SLC30A7: variants seen among roughly 807,000 people sequenced by gnomAD.
SLC30A7 encodes solute carrier family 30 member 7.
Under a neutral mutation model 46.0 loss-of-function variants are expected in SLC30A7, and 35 were observed. The observed-to-expected ratio is 0.76, with a 90% confidence interval of 0.58 to 1.01. The LOEUF (loss-of-function observed/expected upper bound fraction) is 1.01, where lower values mean the gene tolerates loss of function less well. SLC30A7 is among the 50% of genes least tolerant of loss of function. The probability of loss-of-function intolerance (pLI) is 0.00; values close to 1 mark genes in which losing one functional copy is unlikely to be tolerated. For synonymous variants in SLC30A7, 147 were observed against 157.8 expected, an observed-to-expected ratio of 0.93 and a Z score of 0.51; for missense variants, 464 against 451.1, an observed-to-expected ratio of 1.03 and a Z score of -0.26.
At chr1:100,951,375 A>AAAGCTT (rs1231549657) in intron 8 of SLC30A7, among the ~76,000 whole-genome samples, 3 of 152,230 alleles carry the variant, frequency 2.0e-5, no homozygotes, top group African/African-American at 7.2e-5. Context: ...ATCAGAAAAA[A>AAAGCTT]AAGCTTTGTT....
At position 100,965,818 on chromosome 1, in the gene SLC30A7, C is replaced by G. The variant is rs775246370; in HGVS notation, c.983C>G (p.Thr328Ser). 1.2e-6 allele frequency: 2 copies of G among 1,613,744 alleles called. No individual in the cohort carries two copies. ...VYSLQEQHFW[T>S]LCSDVYVGTL... ...AGTTTACAGGAACAGCACTTCTGGA[C>G]TTTATGTTCTGACGTTTATGTTGGG... The change falls in exon 10 of 11, where the codon ACT becomes AGT. Residue 328 changes from threonine to serine, a missense_variant. Coordinates refer to ENST00000357650, the MANE Select transcript of SLC30A7 (RefSeq NM_133496.5).
In SLC30A7 at chr1:100,974,878, A is replaced by G; in HGVS notation, c.*21A>G. On this transcript the variant is annotated 3_prime_UTR_variant, in exon 11 of 11. Transcript: ENST00000357650. ...TGTAGTGAATGGAAAGAAATTATGCACCTTTTATGGACCAAATTTTTCTGG... is the reference window on the plus strand; with the variant it reads ...TGTAGTGAATGGAAAGAAATTATGCGCCTTTTATGGACCAAATTTTTCTGG... 1 of 1,595,344 alleles carries G rather than the reference A, an allele frequency of 6.3e-7. No homozygotes were observed. The highest frequency in any genetic ancestry group is 1.3e-5 in the African/African-American group (1 of 74,684).
intron 10 of SLC30A7, among the ~76,000 whole-genome samples, chr1:100,971,708 T>A (rs1175952182): frequency 6.6e-6 from 1 of 152,188 alleles, no homozygotes; most frequent in Non-Finnish European, 1.5e-5. Context: ...TATTGACTTG[T>A]AATTTAGTCA....
At chr1:100,960,388 T>C (rs1375893161) in intron 8 of SLC30A7, among the ~76,000 whole-genome samples, 1 of 152,214 alleles carries the variant, frequency 6.6e-6, no homozygotes, top group Non-Finnish European at 1.5e-5. Context: ...AAACATTTGA[T>C]TATCTTTCTG....
chr1:100,950,945 A>G (rs908920061), intron 8 of SLC30A7, among the ~76,000 whole-genome samples: 3 of 152,190 alleles, frequency 2.0e-5, no homozygotes, highest in African/African-American at 7.2e-5. Flanking sequence ...TTCAGTGTCA[A>G]TTAAGTTACC....
At position 100,913,712 on chromosome 1, in the gene SLC30A7, T is replaced by C. The variant is rs368331073; in HGVS notation, c.561T>C (p.His187=). 1.9e-6 allele frequency: 3 copies of C among 1,613,960 alleles called. No homozygotes were observed. The highest frequency in any genetic ancestry group is 1.7e-6 in the Non-Finnish European group (2 of 1,179,854). Reference sequence around the variant, plus strand: ...TTAATGGTGCTCTAGATCAGGCACATGGCCATGTCGATCATTGCCATAGCC... The same window carrying C: ...TTAATGGTGCTCTAGATCAGGCACACGGCCATGTCGATCATTGCCATAGCC... ...SLFNGALDQA[H]GHVDHCHSHE... is the part of the protein sequence containing the mutation. The change falls in exon 6 of 11, where the codon CAT becomes CAC. Residue 187 remains histidine, a synonymous_variant. Transcript: ENST00000357650.
At position 100,924,212 on chromosome 1, in the gene SLC30A7, C is replaced by T. The variant is rs1653137802; in HGVS notation, c.842+2371C>T. Among the ~76,000 whole-genome samples, 3 of 152,152 alleles carry T rather than the reference C, an allele frequency of 2.0e-5. No individual in the cohort carries two copies. The South Asian group carries it at 6.2e-4, about 31-fold the overall frequency. ...TTAGGATAGGGTCTGAACTCCTTAG[C>T]AGGCTTCATGATATATTAACCTTGT... On this transcript the variant is annotated intron_variant, in intron 8 of 10. Transcript: ENST00000357650.
At chr1:100,919,158 A>G (rs757469704) in intron 7 of SLC30A7, among the ~76,000 whole-genome samples, 4 of 152,196 alleles carry the variant, frequency 2.6e-5, no homozygotes, top group Admixed American at 6.5e-5. Flanking sequence ...CATGTGTAAA[A>G]TTGTATATTA....
chr1:100,983,284 T>G (rs1657055147), downstream of SLC30A7, among the ~76,000 whole-genome samples: 1 of 151,936 alleles, frequency 6.6e-6, no homozygotes, highest in Non-Finnish European at 1.5e-5. Context: ...ATTTACTACT[T>G]TTTTTCATTC....
intron 8 of SLC30A7, among the ~76,000 whole-genome samples, chr1:100,948,693 A>G (rs1476979793): frequency 6.6e-6 from 1 of 152,114 alleles, no homozygotes; most frequent in Non-Finnish European, 1.5e-5. Context: ...TCAAACGTAG[A>G]TTTAGTCTTT....
chr1:100,920,783 A>G (rs1438030743), intron 7 of SLC30A7, among the ~76,000 whole-genome samples: 1 of 152,048 alleles, frequency 6.6e-6, no homozygotes, highest in Non-Finnish European at 1.5e-5. Flanking sequence ...TCTCAACTAC[A>G]TACATGCTTT....
chr1:100,982,599 CTT>C (rs1558021031), downstream of SLC30A7, among the ~76,000 whole-genome samples: 2 of 152,258 alleles, frequency 1.3e-5, no homozygotes, highest in Admixed American at 1.3e-4. Flanking sequence ...CCTTTGAAAT[CTT>C]TTACTTTCTT....
chr1:100,912,893 GTGT>G, intron 5 of SLC30A7, among the ~76,000 whole-genome samples: 1 of 110,750 alleles, frequency 9.0e-6, no homozygotes, highest in South Asian at 2.7e-4. Context: ...AAAAAAAAGT[GTGT>G]GTGTTTATGA....
intron 9 of SLC30A7, among the ~76,000 whole-genome samples, chr1:100,963,619 G>C (rs1655674353): frequency 6.6e-6 from 1 of 152,104 alleles, no homozygotes; most frequent in Non-Finnish European, 1.5e-5. Flanking sequence ...TTTTAAAGTA[G>C]GATGTTTAGA....
intron 2 of SLC30A7, among the ~76,000 whole-genome samples, chr1:100,904,256 C>T (rs916696929): frequency 3.3e-5 from 5 of 152,186 alleles, no homozygotes; most frequent in African/African-American, 9.6e-5. Flanking sequence ...ATTGACTTCT[C>T]TTCAAGTTCA....
intron 8 of SLC30A7, chr1:100,941,992 C>T (rs564632547): frequency 2.5e-5 from 6 of 242,426 alleles, no homozygotes; most frequent in African/African-American, 6.8e-5. Flanking sequence ...CTGACTGCGA[C>T]GTGACGGCAG....
At chr1:100,960,947 GTTTTTTTTTTTTT>G (rs11354218) in intron 8 of SLC30A7, among the ~76,000 whole-genome samples, 46 of 86,314 alleles carry the variant, frequency 5.3e-4, no homozygotes, top group Non-Finnish European at 8.3e-4. Context: ...TGTTTTGTGT[GTTTTTTTTTTTTT>G]TTTTTTTTTT....
the SLC30A7 span, among the ~76,000 whole-genome samples, chr1:100,987,322 C>T: frequency 2.0e-5 from 3 of 151,936 alleles, no homozygotes; most frequent in African/African-American, 7.3e-5. Context: ...TTTCTTCTGC[C>T]CTATTTTCCT....
chr1:100,970,013 T>C (rs561598974), intron 10 of SLC30A7, among the ~76,000 whole-genome samples: 1 of 152,132 alleles, frequency 6.6e-6, no homozygotes, highest in African/African-American at 2.4e-5. Flanking sequence ...TTAAAAAAAA[T>C]TTTGATCTTA....
Sources: allele counts gnomAD v4.1 joint callset (sites outside exome capture counted in the v4.1 genomes callset), GRCh38; gene constraint gnomAD v4.1.1; transcripts MANE v1.5; gene names NCBI Gene and HGNC (gene_info 2026-07-23, HGNC 2026-07-21).